Variants in ST6GAL1 observed in about 807,000 individuals in gnomAD.
ST6GAL1 encodes beta-galactoside alpha-2,6-sialyltransferase 1.
Under a neutral mutation model 38.0 loss-of-function variants are expected in ST6GAL1, and 20 were observed. The observed-to-expected ratio is 0.53, with a 90% CI of 0.37 to 0.77. ST6GAL1 has a LOEUF of 0.77. ST6GAL1 is among the 30% of genes least tolerant of loss of function. ST6GAL1 has a pLI of 0.00. For synonymous variants in ST6GAL1, 196 were observed against 188.2 expected, an observed-to-expected ratio of 1.04 and a Z score of -0.34; for missense variants, 432 against 496.4, an observed-to-expected ratio of 0.87 and a Z score of 1.23.
Position 187,078,362 on chromosome 3 carries a change from T to C in ST6GAL1, c.*2559T>C, listed in dbSNP as rs1456928055. ...TATGAGTTAATGCTGCCTGTGTCTATGGGGTTCTGTCTTCTTTGATAGCCA... is the reference window on the plus strand; with the variant it reads ...TATGAGTTAATGCTGCCTGTGTCTACGGGGTTCTGTCTTCTTTGATAGCCA... On this transcript the variant is annotated 3_prime_UTR_variant, in exon 8 of 8. Coordinates refer to ENST00000169298, the MANE Select transcript of ST6GAL1 (RefSeq NM_173216.2). 3 of 152,206 alleles carry C rather than the reference T, an allele frequency of 2.0e-5. No individual in the cohort carries two copies. Among genetic ancestry groups the C allele is most frequent in the Non-Finnish European group, 2.9e-5 (2 of 68,040 alleles). 9.4% of individuals were successfully genotyped at this position (152,206 alleles called of 1,614,324 possible).
intron 1 of ST6GAL1, among the ~76,000 whole-genome samples, chr3:186,945,526 C>T (rs1444057262): frequency 6.6e-6 from 1 of 152,004 alleles, no homozygotes; most frequent in Non-Finnish European, 1.5e-5. Flanking sequence ...AGTGGAAGGT[C>T]AATTGGTGAA....
At chr3:187,054,477 A>G (rs2108589224) in intron 5 of ST6GAL1, among the ~76,000 whole-genome samples, 1 of 152,310 alleles carries the variant, frequency 6.6e-6, no homozygotes, top group South Asian at 2.1e-4. Flanking sequence ...CATTCCATCA[A>G]TACCTAGTTC....
chr3:187,025,067 C>T (rs1267318762), intron 2 of ST6GAL1, among the ~76,000 whole-genome samples: 1 of 151,364 alleles, frequency 6.6e-6, no homozygotes, highest in Non-Finnish European at 1.5e-5. Flanking sequence ...GGTCTACGTT[C>T]TCAATTCTCC....
chr3:186,957,777 T>G (rs1186428183), intron 1 of ST6GAL1, among the ~76,000 whole-genome samples: 1 of 152,190 alleles, frequency 6.6e-6, no homozygotes, highest in Non-Finnish European at 1.5e-5. Flanking sequence ...AGCCATTCCT[T>G]AAATTCTGAG....
chr3:187,061,521 CATATA>C (rs1388882909), intron 5 of ST6GAL1, among the ~76,000 whole-genome samples: 1 of 151,888 alleles, frequency 6.6e-6, no homozygotes, highest in Non-Finnish European at 1.5e-5. Context: ...CAAAGACAAA[CATATA>C]AACCATTGGA....
chr3:186,985,126 C>T (rs939338815), intron 2 of ST6GAL1, among the ~76,000 whole-genome samples: 3 of 151,912 alleles, frequency 2.0e-5, no homozygotes, highest in Non-Finnish European at 4.4e-5. Flanking sequence ...TCAGGCTGGT[C>T]TCGAACTCCT....
intron 2 of ST6GAL1, among the ~76,000 whole-genome samples, chr3:187,029,348 C>A (rs185643115): frequency 4.1e-4 from 62 of 152,000 alleles, no homozygotes; most frequent in African/African-American, 1.5e-3. Context: ...CTTAAGTAAA[C>A]AATAATGTGT....
intron 5 of ST6GAL1, among the ~76,000 whole-genome samples, chr3:187,055,853 G>C (rs1024793397): frequency 2.0e-5 from 3 of 152,024 alleles, no homozygotes; most frequent in Non-Finnish European, 4.4e-5. Context: ...TCAAGTCCTG[G>C]ATATCCTTGT....
chr3:186,992,481 T>TA (rs1217344438), intron 2 of ST6GAL1, among the ~76,000 whole-genome samples: 3 of 151,898 alleles, frequency 2.0e-5, no homozygotes, highest in Non-Finnish European at 2.9e-5. Context: ...ATCATGACCT[T>TA]AAAAAATAAA....
chr3:187,055,342 T>C (rs1181624426), intron 5 of ST6GAL1, among the ~76,000 whole-genome samples: 1 of 152,202 alleles, frequency 6.6e-6, no homozygotes, highest in Non-Finnish European at 1.5e-5. Flanking sequence ...TCTTGCCTTC[T>C]GCTAGCTTTT....
chr3:186,980,964 A>G (rs1483283181), intron 2 of ST6GAL1, among the ~76,000 whole-genome samples: 2 of 152,160 alleles, frequency 1.3e-5, no homozygotes, highest in Non-Finnish European at 2.9e-5. Flanking sequence ...CCCATTCCTC[A>G]GTCAGTGTCT....
At chr3:187,009,958 TCACG>T (rs1020189027) in intron 2 of ST6GAL1, among the ~76,000 whole-genome samples, 14 of 151,666 alleles carry the variant, frequency 9.2e-5, no homozygotes, top group Admixed American at 7.2e-4. Context: ...TGAGCCGAGA[TCACG>T]CCACTGCACT....
At position 186,972,326 on chromosome 3, in the gene ST6GAL1, G is replaced by A. The variant is rs1052754654; in HGVS notation, c.-183+8400G>A. Reference sequence around the variant, plus strand: ...CGCCTGGGAGGGATGTCATCTCACTGCAACCTCCACCTCCCGGGTTCAAGT... The same window carrying A: ...CGCCTGGGAGGGATGTCATCTCACTACAACCTCCACCTCCCGGGTTCAAGT... On this transcript the variant is annotated intron_variant, in intron 2 of 7. Transcript: ENST00000169298. 4.0e-5 allele frequency among the ~76,000 whole-genome samples: 6 copies of A among 151,584 alleles called. No homozygotes were observed. The East Asian group carries it at 7.8e-4, about 20-fold the overall frequency.
At chr3:186,950,097 A>G (rs10513810) in intron 1 of ST6GAL1, among the ~76,000 whole-genome samples, 12,561 of 152,206 alleles carry the variant, frequency 0.083, 681 homozygotes, top group Non-Finnish European at 0.11. Context: ...GCACAAAGGA[A>G]AGCAAGTTGC....
At chr3:186,944,436 G>GA (rs560286455) in intron 1 of ST6GAL1, among the ~76,000 whole-genome samples, 5 of 152,216 alleles carry the variant, frequency 3.3e-5, no homozygotes, top group Non-Finnish European at 5.9e-5. Context: ...CATCCTCCAA[G>GA]ATAATTCCTG....
intron 1 of ST6GAL1, among the ~76,000 whole-genome samples, chr3:186,961,054 G>A (rs1480720793): frequency 6.8e-6 from 1 of 147,608 alleles, no homozygotes; most frequent in Non-Finnish European, 1.5e-5. Flanking sequence ...CTGCAAATTT[G>A]CAAATTCCAC....
intron 4 of ST6GAL1, among the ~76,000 whole-genome samples, chr3:187,045,703 T>G (rs371287235): frequency 6.6e-6 from 1 of 152,250 alleles, no homozygotes; most frequent in African/African-American, 2.4e-5. Context: ...TTGGCACCTC[T>G]GCTGTTGTGC....
chr3:186,931,640 G>T (rs1466133130), intron 1 of ST6GAL1, among the ~76,000 whole-genome samples: 1 of 152,212 alleles, frequency 6.6e-6, no homozygotes, highest in Non-Finnish European at 1.5e-5. Context: ...GCACTCCGGC[G>T]ATTGCCTCTG....
intron 5 of ST6GAL1, chr3:187,072,050 A>G (rs1719399377): frequency 6.6e-6 from 1 of 152,234 alleles, no homozygotes; most frequent in Non-Finnish European, 1.5e-5. Context: ...TTTAAAAAAA[A>G]TGCTCTTAAT....
Sources: gnomAD v4.1 joint callset for allele counts (sites outside exome capture counted in the v4.1 genomes callset) on GRCh38, gnomAD v4.1.1 for gene constraint, MANE v1.5 for transcripts, NCBI Gene and HGNC (gene_info 2026-07-23, HGNC 2026-07-21) for gene names.